ZC3H12B: variants seen among roughly 807,000 people sequenced by gnomAD.
ZC3H12B encodes the protein probable ribonuclease ZC3H12B.
In ZC3H12B, 7 loss-of-function variants were observed where a neutral mutation model predicts 43.9. The observed-to-expected ratio is 0.16, with a 90% CI of 0.09 to 0.30. The LOEUF (loss-of-function observed/expected upper bound fraction) is 0.30. Among genes scored for constraint, ZC3H12B ranks in the 10% least tolerant of loss-of-function variants. ZC3H12B has a pLI of 1.00. For synonymous variants in ZC3H12B, 222 were observed against 241.7 expected, an observed-to-expected ratio of 0.92 and a Z score of 0.76; for missense variants, 475 against 670.2, an observed-to-expected ratio of 0.71 and a Z score of 3.22.
chrX:65,378,934 C>T (rs764706681), intron 2 of ZC3H12B, among the ~76,000 whole-genome samples: 90 of 112,623 alleles, frequency 8.0e-4, no homozygotes, highest in Non-Finnish European at 1.0e-3. Context: ...AGATTATATC[C>T]CCCACATGGT....
At chrX:65,205,759 C>A in the ZC3H12B span, among the ~76,000 whole-genome samples, 1 of 110,770 alleles carries the variant, frequency 9.0e-6, no homozygotes, top group African/African-American at 3.3e-5. Context: ...TAATTATATA[C>A]CTAGAAAACC....
chrX:65,041,257 A>G, the ZC3H12B span, among the ~76,000 whole-genome samples: 3 of 112,117 alleles, frequency 2.7e-5, no homozygotes, highest in Non-Finnish European at 5.6e-5. Context: ...TCATTAATTC[A>G]GGCCCCACTA....
chrX:65,116,436 T>A, the ZC3H12B span, among the ~76,000 whole-genome samples: 2 of 111,633 alleles, frequency 1.8e-5, no homozygotes, highest in African/African-American at 3.3e-5. Flanking sequence ...TACCATGTTG[T>A]TTTGGTGACT....
the ZC3H12B span, among the ~76,000 whole-genome samples, chrX:65,285,006 T>C: frequency 2.7e-5 from 3 of 110,746 alleles, no homozygotes; most frequent in Non-Finnish European, 5.7e-5. Context: ...GTGACCAAAT[T>C]TACAAATTAT....
chrX:65,055,713 G>A, the ZC3H12B span, among the ~76,000 whole-genome samples: 1 of 111,226 alleles, frequency 9.0e-6, no homozygotes, highest in African/African-American at 3.3e-5. Flanking sequence ...AATTCTTCTG[G>A]TCCTGGTCTT....
intron 3 of ZC3H12B, among the ~76,000 whole-genome samples, chrX:65,465,332 A>T (rs1197292393): frequency 9.0e-6 from 1 of 111,329 alleles, no homozygotes; most frequent in Non-Finnish European, 1.9e-5. Context: ...TGACTGGTTG[A>T]TCCATTTATG....
chrX:65,332,396 T>G, the ZC3H12B span, among the ~76,000 whole-genome samples: 1 of 111,858 alleles, frequency 8.9e-6, no homozygotes, highest in East Asian at 2.8e-4. Context: ...TAAGAAAACA[T>G]TCAGTAAGCT....
chrX:65,348,848 A>C, the ZC3H12B span, among the ~76,000 whole-genome samples: 2 of 111,654 alleles, frequency 1.8e-5, no homozygotes, highest in African/African-American at 6.5e-5. Flanking sequence ...CACCCAATAC[A>C]GGAGCATCAA....
chrX:65,223,792 C>T, the ZC3H12B span, among the ~76,000 whole-genome samples: 2 of 111,583 alleles, frequency 1.8e-5, no homozygotes, highest in Admixed American at 9.5e-5. Flanking sequence ...CCTTCAAGAT[C>T]GGCCATAATC....
chrX:65,130,765 A>T, the ZC3H12B span, among the ~76,000 whole-genome samples: 2 of 111,462 alleles, frequency 1.8e-5, no homozygotes, highest in Admixed American at 1.9e-4. Flanking sequence ...TTGGAAAGAG[A>T]TTGATAGGTG....
chrX:65,106,786 C>G, the ZC3H12B span, among the ~76,000 whole-genome samples: 2 of 111,483 alleles, frequency 1.8e-5, no homozygotes, highest in East Asian at 2.8e-4. Context: ...CTAACATGAA[C>G]TGAGCACTTA....
chrX:65,140,239 A>G, the ZC3H12B span, among the ~76,000 whole-genome samples: 1 of 111,352 alleles, frequency 9.0e-6, no homozygotes, highest in African/African-American at 3.3e-5. Context: ...GGTTTTTCAT[A>G]TATGGCCTTT....
chrX:65,194,527 G>A, the ZC3H12B span, among the ~76,000 whole-genome samples: 1 of 111,476 alleles, frequency 9.0e-6, no homozygotes, highest in African/African-American at 3.3e-5. Flanking sequence ...TTCCTTTGTG[G>A]TCACATAAGA....
At chrX:65,226,568 T>A in the ZC3H12B span, among the ~76,000 whole-genome samples, 1 of 111,537 alleles carries the variant, frequency 9.0e-6, no homozygotes, top group Admixed American at 9.5e-5. Context: ...AATGCTCCAA[T>A]TAAAAGACAC....
chrX:65,088,874 T>C, the ZC3H12B span, among the ~76,000 whole-genome samples: 1 of 111,739 alleles, frequency 8.9e-6, no homozygotes, highest in Admixed American at 9.5e-5. Flanking sequence ...CTATTGTATG[T>C]GATTCTGAGC....
chrX:65,364,189 C>T (rs1010737784), upstream of ZC3H12B, among the ~76,000 whole-genome samples: 26 of 110,721 alleles, frequency 2.3e-4, no homozygotes, highest in African/African-American at 7.6e-4. Context: ...CGCTCTGCCC[C>T]GCTCCACTAC....
the ZC3H12B span, among the ~76,000 whole-genome samples, chrX:65,138,983 G>A: frequency 9.0e-6 from 1 of 111,542 alleles, no homozygotes; most frequent in South Asian, 3.7e-4. Flanking sequence ...ATATATTTTG[G>A]ATATTATCCT....
the ZC3H12B span, among the ~76,000 whole-genome samples, chrX:65,244,042 C>T: frequency 0.24 from 26,401 of 110,413 alleles, 7,610 homozygotes; most frequent in African/African-American, 0.82. Context: ...GGGTAAAAGA[C>T]CTAGTGTCCA....
chrX:65,300,805 C>T, the ZC3H12B span, among the ~76,000 whole-genome samples: 1 of 111,261 alleles, frequency 9.0e-6, no homozygotes, highest in Non-Finnish European at 1.9e-5. Context: ...TAGAACCATA[C>T]CCTCACAGAG....
Sources: allele counts gnomAD v4.1 joint callset (sites outside exome capture counted in the v4.1 genomes callset), GRCh38; gene constraint gnomAD v4.1.1; transcripts MANE v1.5; gene names NCBI Gene and HGNC (gene_info 2026-07-23, HGNC 2026-07-21).